The following MRPL21 variants were observed in gnomAD, a reference collection of about 807,000 sequenced individuals.
The protein encoded by MRPL21 is mitochondrial ribosomal protein L21.
A neutral mutation model predicts 27.3 loss-of-function variants in MRPL21; 20 were observed. The ratio of observed to expected loss-of-function variants is 0.73; its 90% CI spans 0.52 to 1.06. The LOEUF is 1.06. MRPL21 is among the 50% of genes least tolerant of loss of function. The pLI, the probability that MRPL21 is intolerant of heterozygous loss-of-function variation, is 0.00. For synonymous variants in MRPL21, 98 were observed against 101.5 expected (o/e 0.97, Z 0.21); for missense variants, 249 against 251.4 (o/e 0.99, Z 0.06).
In MRPL21 at chr11:68,892,967, G is replaced by C; in HGVS notation, c.476C>G (p.Thr159Arg). The C allele has an allele frequency of 6.2e-7, 1 of 1,608,608 alleles. No homozygotes were observed. Residue 159 changes from threonine to arginine, a missense_variant, in exon 6 of 7, where the codon ACA becomes AGA. Physicochemically the swap from Thr to Arg is moderately conservative, Grantham distance 71 (BLOSUM62 -1). Transcript: ENST00000362034. ...LGKDLVRVEA[T>R]VIEKTESWPR... ...CCATGATTCTGTCTTTTCAATGACT[G>C]TGGCTTCTACTCGAACAAGATCCTT...
At position 68,903,710 on chromosome 11, in the gene MRPL21, T is replaced by A. The variant is rs1432737344; in HGVS notation, c.88+13A>T. On this transcript the variant is annotated intron_variant, in intron 1 of 6. Coordinates refer to ENST00000362034, the MANE Select transcript of MRPL21 (RefSeq NM_181514.2). Reference sequence around the variant, plus strand: ...CTCTGCGTCCTCCCTTCCTCCCATATCCCAGGTCTCACCTGCTCCGGGCCC... The same window carrying A: ...CTCTGCGTCCTCCCTTCCTCCCATAACCCAGGTCTCACCTGCTCCGGGCCC... 1.2e-6 allele frequency: 2 copies of A among 1,612,890 alleles called. No homozygotes were observed. Among genetic ancestry groups the A allele is most frequent in the Non-Finnish European group, 1.7e-6 (2 of 1,179,840 alleles).
At chr11:68,895,256 C>T (rs1467786881) in intron 4 of MRPL21, among the ~76,000 whole-genome samples, 4 of 151,380 alleles carry the variant, frequency 2.6e-5, no homozygotes, top group Non-Finnish European at 1.5e-5. Flanking sequence ...AAGAGCAAAA[C>T]TCCTTCTCAA....
At chr11:68,891,986 C>A in intron 6 of MRPL21, 2 of 898,024 alleles carry the variant, frequency 2.2e-6, no homozygotes, top group Non-Finnish European at 3.1e-6. Flanking sequence ...CACCTGCTTG[C>A]GGATTCACTG....
chr11:68,896,359 G>T, intron 4 of MRPL21, 156 bp downstream of exon 4: 2 of 946,812 alleles, frequency 2.1e-6, no homozygotes, highest in Non-Finnish European at 3.2e-6. Context: ...CAGCCCCGCC[G>T]TGGGCGCCCC....
intron 1 of MRPL21, among the ~76,000 whole-genome samples, chr11:68,901,559 C>T (rs1195838659): frequency 6.6e-6 from 1 of 152,300 alleles, no homozygotes; most frequent in South Asian, 2.1e-4. Flanking sequence ...TTAAAGTTCA[C>T]CCATTAGCAC....
chr11:68,897,634 G>T, intron 3 of MRPL21: 1 of 470,594 alleles, frequency 2.1e-6, no homozygotes, highest in Non-Finnish European at 3.8e-6. Context: ...GCTAACTGGG[G>T]AGAGCTGTCG....
At chr11:68,903,118 T>C (rs1310044920) in intron 1 of MRPL21, among the ~76,000 whole-genome samples, 1 of 152,202 alleles carries the variant, frequency 6.6e-6, no homozygotes, top group Non-Finnish European at 1.5e-5. Context: ...TAGAGTTAGA[T>C]CCAGTTTTCC....
rs551999667 is a variant in MRPL21, at chr11:68,894,638, T to A, written c.397-1183A>T. Among the ~76,000 whole-genome samples the A allele has an allele frequency of 5.9e-5, 9 of 152,258 alleles. No individual in the cohort carries two copies. In the South Asian group the frequency reaches 1.9e-3, roughly 32 times the overall value. On this transcript the variant is annotated intron_variant, in intron 4 of 6. Transcript: ENST00000362034. Reference sequence around the variant, plus strand: ...CTTAAATTTTACTGATAAGAAAAAATCCAATCATACTCAACTTAAATGTCT... The same window carrying A: ...CTTAAATTTTACTGATAAGAAAAAAACCAATCATACTCAACTTAAATGTCT...
intron 3 of MRPL21, 60 bp downstream of exon 3, chr11:68,897,865 TGG>T (rs1857836891): frequency 1.5e-6 from 2 of 1,295,168 alleles, no homozygotes; most frequent in South Asian, 2.4e-5. Flanking sequence ...ACAACCTCTG[TGG>T]CTGACTGGAG....
At chr11:68,898,243 T>C (rs141979111) in intron 2 of MRPL21, among the ~76,000 whole-genome samples, 15 of 152,340 alleles carry the variant, frequency 9.8e-5, no homozygotes, top group Admixed American at 7.2e-4. Context: ...GGAACTCTCA[T>C]TGTTCTGCAA....
chr11:68,897,880 G>T, intron 3 of MRPL21, 47 bp downstream of exon 3: 2 of 1,436,660 alleles, frequency 1.4e-6, no homozygotes, highest in Non-Finnish European at 2.0e-6. Flanking sequence ...GACTGGAGCA[G>T]GGTCTAGGTG....
rs115674821 is a variant in MRPL21 at position 68,903,633 on chromosome 11, A to G, written c.88+90T>C. On this transcript the variant is annotated intron_variant, in intron 1 of 6. Transcript: ENST00000362034. ...CACAAATGCGATCAACACACAAGGC[A>G]CCAGGTCGGACCCAGGCACATACGT... is the stretch of plus-strand genomic sequence containing the variant. 1.0e-3 allele frequency: 1,396 copies of G among 1,337,582 alleles called. 13 individuals are homozygous for G. The African/African-American group carries it at 0.018, about 17-fold the overall frequency. 82.9% of individuals were successfully genotyped at this position (1,337,582 alleles called of 1,614,324 possible).
rs1857794010 is a variant in MRPL21, at chr11:68,896,572, C to A, written c.339G>T (p.Leu113=). The A allele has an allele frequency of 6.2e-7, 1 of 1,614,124 alleles. No homozygotes were observed. The highest frequency in any genetic ancestry group is 1.1e-5 in the South Asian group (1 of 91,092). The change falls in exon 4 of 7, where the codon CTG becomes CTT. Residue 113 remains leucine (L), a synonymous_variant. Transcript: ENST00000362034. ...GGTCTAGTTCATTTCCAATTAAGATCAGGTCTTCAGAGGTCACCTTCCACT... is the reference window on the plus strand; with the variant it reads ...GGTCTAGTTCATTTCCAATTAAGATAAGGTCTTCAGAGGTCACCTTCCACT... The part of the protein sequence containing the change: ...SRQWKVTSED[L]ILIGNELDLA...
intron 2 of MRPL21, among the ~76,000 whole-genome samples, chr11:68,899,173 G>C (rs1479167027): frequency 6.6e-6 from 1 of 152,140 alleles, no homozygotes; most frequent in Non-Finnish European, 1.5e-5. Flanking sequence ...AGAAAGAGGG[G>C]GGCCTAGATT....
chr11:68,895,611 T>C (rs562232069), intron 4 of MRPL21, among the ~76,000 whole-genome samples: 59 of 152,102 alleles, frequency 3.9e-4, no homozygotes, highest in African/African-American at 7.5e-4. Flanking sequence ...GACTGCGCCA[T>C]TGCACTCCAG....
At chr11:68,892,813 C>A (rs1857680843) in intron 6 of MRPL21, 77 bp downstream of exon 6, 1 of 1,566,560 alleles carries the variant, frequency 6.4e-7, no homozygotes, top group Admixed American at 1.9e-5. Context: ...GACCCACGTG[C>A]CCCACACCCT....
At chr11:68,896,366 C>A in intron 4 of MRPL21, 149 bp downstream of exon 4, 2 of 1,027,554 alleles carry the variant, frequency 1.9e-6, no homozygotes, top group Admixed American at 2.2e-5. Context: ...GCCGTGGGCG[C>A]CCCCCAAAGT....
At chr11:68,893,100 AAAGT>A (rs1198837437) in intron 5 of MRPL21, 107 bp from the exon 6 acceptor site, 1 of 1,375,462 alleles carries the variant, frequency 7.3e-7, no homozygotes, top group African/African-American at 1.5e-5. Flanking sequence ...GTTGATTATA[AAAGT>A]AATACGCCCT....
rs530915075 is a variant in MRPL21 at position 68,900,138 on chromosome 11, T to C, written c.146+410A>G. Among the ~76,000 whole-genome samples the C allele has an allele frequency of 2.6e-5, 4 of 152,360 alleles. No homozygotes were observed. The South Asian group carries it at 8.3e-4, about 32-fold the overall frequency. ...TTAACACTGAATGTGCTTTTTCAAA[T>C]AATGAGTTTCTCTTAGAGACTCTGA... On this transcript the variant is annotated intron_variant, in intron 2 of 6. Coordinates refer to ENST00000362034, the MANE Select transcript of MRPL21 (RefSeq NM_181514.2).
Sources: allele counts gnomAD v4.1 joint callset (sites outside exome capture counted in the v4.1 genomes callset), GRCh38; gene constraint gnomAD v4.1.1; transcripts MANE v1.5; gene names NCBI Gene and HGNC (gene_info 2026-07-23, HGNC 2026-07-21).